Variants in RBM33 observed in about 807,000 individuals in gnomAD.
RBM33 encodes RNA-binding protein 33.
RBM33 carries 28 observed loss-of-function variants against 132.6 expected under a neutral mutation model. The ratio of observed to expected loss-of-function variants is 0.21; its 90% CI spans 0.16 to 0.29. The LOEUF (loss-of-function observed/expected upper bound fraction) is 0.29, where lower values mean the gene tolerates loss of function less well. Among genes scored for constraint, RBM33 ranks in the 10% least tolerant of loss-of-function variants. RBM33 has a pLI of 1.00. For missense variants in RBM33, 1,291 were observed against 1,518.5 expected (o/e 0.85, Z 2.49); for synonymous variants, 634 against 593.0 (o/e 1.07, Z -1.01).
At chr7:155,668,136 A>G (rs531535359) in intron 2 of RBM33, among the ~76,000 whole-genome samples, 36 of 152,316 alleles carry the variant, frequency 2.4e-4, no homozygotes, top group Non-Finnish European at 4.1e-4. Context: ...GTGTCTATGT[A>G]TACGTATGTA....
chr7:155,766,985 T>C, intron 16 of RBM33: 2 of 300,698 alleles, frequency 6.7e-6, no homozygotes, highest in Non-Finnish European at 1.2e-5. Flanking sequence ...TGACTTGTTT[T>C]ATTTGTAATA....
chr7:155,713,192 G>A (rs1800356488), intron 8 of RBM33, among the ~76,000 whole-genome samples: 1 of 152,130 alleles, frequency 6.6e-6, no homozygotes, highest in African/African-American at 2.4e-5. Flanking sequence ...CAAAAGTTCT[G>A]TTTTGGGTGC....
At chr7:155,754,788 G>A (rs1362916231) in intron 14 of RBM33, among the ~76,000 whole-genome samples, 1 of 152,244 alleles carries the variant, frequency 6.6e-6, no homozygotes, top group African/African-American at 2.4e-5. Context: ...TGTGCTAAGA[G>A]AACCCTTTTC....
At chr7:155,701,074 G>T in intron 6 of RBM33, 130 bp downstream of exon 6, 1 of 759,168 alleles carries the variant, frequency 1.3e-6, no homozygotes. Context: ...GAGAGTGGCC[G>T]GACTTTGGAG....
intron 1 of RBM33, among the ~76,000 whole-genome samples, chr7:155,651,820 T>C (rs185624414): frequency 6.2e-4 from 95 of 152,326 alleles, no homozygotes; most frequent in Non-Finnish European, 1.2e-3. Context: ...GATGAAAGTT[T>C]GTTGAAAGAC....
chr7:155,646,932 G>A (rs544472008), intron 1 of RBM33, among the ~76,000 whole-genome samples: 20 of 152,250 alleles, frequency 1.3e-4, no homozygotes, highest in Admixed American at 3.9e-4. Context: ...TTTTCTTTAC[G>A]AATAGGAAAT....
chr7:155,655,238 G>T (rs926634852), intron 1 of RBM33, among the ~76,000 whole-genome samples: 1 of 152,042 alleles, frequency 6.6e-6, no homozygotes, highest in African/African-American at 2.4e-5. Flanking sequence ...ATATTATTGG[G>T]GATATTTTTT....
intron 5 of RBM33, among the ~76,000 whole-genome samples, chr7:155,694,167 T>C (rs1799725635): frequency 6.6e-6 from 1 of 152,240 alleles, no homozygotes; most frequent in Non-Finnish European, 1.5e-5. Context: ...AAGCAATTAA[T>C]TAATTTTAAT....
At chr7:155,684,957 G>A (rs969585936) in intron 5 of RBM33, 2 of 1,550,388 alleles carry the variant, frequency 1.3e-6, no homozygotes, top group Non-Finnish European at 1.7e-6. Flanking sequence ...GCAGGCTTAT[G>A]GTGGGCAACA....
chr7:155,764,296 C>T (rs2117069388), intron 15 of RBM33, among the ~76,000 whole-genome samples: 2 of 152,170 alleles, frequency 1.3e-5, no homozygotes, highest in Middle Eastern at 6.8e-3. Context: ...CCAGCAGCAT[C>T]TGCTGTGCTC....
At chr7:155,696,121 G>A (rs1708936125) in intron 5 of RBM33, among the ~76,000 whole-genome samples, 1 of 152,028 alleles carries the variant, frequency 6.6e-6, no homozygotes, top group Non-Finnish European at 1.5e-5. Context: ...TGTTGTTTTT[G>A]TATCCCTATA....
intron 3 of RBM33, among the ~76,000 whole-genome samples, chr7:155,673,940 G>GTTGTTGTTTGTTTGTTTTTTTTTTTTTT: frequency 3.7e-5 from 2 of 54,214 alleles, no homozygotes; most frequent in Admixed American, 2.6e-4. Flanking sequence ...TTTAGGCTTA[G>GTTGTTGTTTGTTTGTTTTTTTTTTTTTT]TTTTTTTTTT....
At chr7:155,735,961 C>T (rs1422129326) in intron 9 of RBM33, among the ~76,000 whole-genome samples, 1 of 152,158 alleles carries the variant, frequency 6.6e-6, no homozygotes, top group Non-Finnish European at 1.5e-5. Context: ...TTCCTTGTTT[C>T]ACCTAAAGTC....
intron 1 of RBM33, among the ~76,000 whole-genome samples, chr7:155,661,415 CTTTTTTTT>C (rs1798647464): frequency 9.4e-5 from 12 of 128,022 alleles, no homozygotes; most frequent in African/African-American, 3.1e-4. Flanking sequence ...CTTTTTTTTT[CTTTTTTTT>C]CCCAGACAGA....
In RBM33 at chr7:155,745,640, G is replaced by A; in HGVS notation, c.2979+38G>A. On this transcript the variant is annotated intron_variant, in intron 14 of 17. Coordinates refer to ENST00000401878, the MANE Select transcript of RBM33 (RefSeq NM_053043.3). This position sits in a 1 kb window ranked among gnomAD's most constrained non-coding sequence, Gnocchi z 4.1. ...GTTTTATGAGAGCCTCTTTGAGTCT[G>A]TGTATCACATAGAATGTCCTCATTT... 1.3e-6 allele frequency: 2 copies of A among 1,485,454 alleles called. No homozygotes were observed. Among genetic ancestry groups the A allele is most frequent in the South Asian group, 1.4e-5 (1 of 73,542 alleles). The allele number at this position is 1,485,454 out of a possible 1,614,324, so 92.0% of individuals were successfully genotyped here. A position where few individuals can be genotyped will look rare whatever the true frequency, so the allele number is the denominator to read the frequency against.
intron 5 of RBM33, among the ~76,000 whole-genome samples, chr7:155,697,212 C>T (rs1378950712): frequency 6.6e-6 from 1 of 151,582 alleles, no homozygotes; most frequent in Non-Finnish European, 1.5e-5. Context: ...AGGAGTATCT[C>T]CATAGATTTG....
rs560426780 is a variant in RBM33 at position 155,739,628 on chromosome 7, G to A, written c.1738-87G>A. On this transcript the variant is annotated intron_variant, in intron 11 of 17. Coordinates refer to ENST00000401878, the MANE Select transcript of RBM33 (RefSeq NM_053043.3). ...GTATCGCTGAAAGTTCCTTTCTTGT[G>A]TTGAGGTTTTTTAGGAAATGATTGA... The A allele has an allele frequency of 5.0e-6, 7 of 1,401,380 alleles. No homozygotes were observed. In the South Asian group the frequency reaches 1.0e-4, roughly 21 times the overall value. The allele number at this position is 1,401,380 out of a possible 1,614,324, so 86.8% of individuals were successfully genotyped here.
chr7:155,750,976 G>T (rs1801671229), intron 14 of RBM33, among the ~76,000 whole-genome samples: 1 of 152,126 alleles, frequency 6.6e-6, no homozygotes, highest in African/African-American at 2.4e-5. Context: ...CTGTCAAAAT[G>T]CTGCATGCCG....
chr7:155,762,279 T>G (rs1327912877), intron 14 of RBM33, among the ~76,000 whole-genome samples: 1 of 152,244 alleles, frequency 6.6e-6, no homozygotes. Flanking sequence ...CACAGACCCA[T>G]GGGCTTCCCT....
Sources: gnomAD v4.1 joint callset for allele counts (sites outside exome capture counted in the v4.1 genomes callset) on GRCh38, gnomAD v4.1.1 for gene constraint, Gnocchi (gnomAD v3.1) non-coding constraint, MANE v1.5 for transcripts, NCBI Gene and HGNC (gene_info 2026-07-23, HGNC 2026-07-21) for gene names.